Variants in HIGD2B observed in about 807,000 individuals in gnomAD.
HIGD2B encodes the protein HIG1 hypoxia inducible domain family member 2B.
For synonymous variants in HIGD2B, 45 were observed against 28.1 expected, an observed-to-expected ratio of 1.60 and a Z score of -1.90; for missense variants, 106 against 67.0, an observed-to-expected ratio of 1.58 and a Z score of -2.03.
intron 2 of HIGD2B, among the ~76,000 whole-genome samples, chr15:72,677,808 A>G (rs1417705291): frequency 6.6e-6 from 1 of 152,108 alleles, no homozygotes; most frequent in African/African-American, 2.4e-5. Context: ...ATATAAAAGT[A>G]AATAAAAATT....
intron 2 of HIGD2B, among the ~76,000 whole-genome samples, chr15:72,679,758 A>T (rs1036121456): frequency 2.0e-5 from 3 of 151,296 alleles, no homozygotes; most frequent in South Asian, 4.2e-4. Context: ...GGGAAAATAT[A>T]AAAAAAAATG....
chr15:72,679,821 A>G (rs1001272091), intron 2 of HIGD2B, among the ~76,000 whole-genome samples, 194 bp downstream of exon 2: 2 of 152,150 alleles, frequency 1.3e-5, no homozygotes, highest in African/African-American at 4.8e-5. Flanking sequence ...TTCAGAGTAT[A>G]GGATGTTGGT....
chr15:72,685,520 G>C (rs531775402), intron 1 of HIGD2B, among the ~76,000 whole-genome samples: 2 of 152,286 alleles, frequency 1.3e-5, no homozygotes, highest in East Asian at 3.9e-4. Context: ...CGCACCGGGG[G>C]CCAGACAGGT....
intron 2 of HIGD2B, among the ~76,000 whole-genome samples, chr15:72,676,950 C>A (rs772763206): frequency 2.6e-5 from 4 of 152,080 alleles, no homozygotes; most frequent in Non-Finnish European, 5.9e-5. Flanking sequence ...ACTAAATACA[C>A]ACAAATGAAG....
Position 72,685,917 on chromosome 15 carries a change from G to A in HIGD2B, c.-292C>T. ...CAGGGTAAGGTGGCGGGAGAACTAG[G>A]CTGCCATCCCAGGTGGCTGGCCTAC... On this transcript the variant is annotated 5_prime_UTR_variant, in exon 1 of 3. Coordinates refer to ENST00000311755, the MANE Select transcript of HIGD2B (RefSeq NM_001350932.3). The A allele has an allele frequency of 1.9e-6, 1 of 523,082 alleles. No individual in the cohort carries two copies. Among genetic ancestry groups the A allele is most frequent in the Non-Finnish European group, 3.5e-6 (1 of 287,718 alleles). The allele number at this position is 523,082 out of a possible 1,614,324, so 32.4% of individuals were successfully genotyped here.
chr15:72,682,742 A>G (rs79263703), intron 1 of HIGD2B: 16,175 of 193,616 alleles, frequency 0.084, 839 homozygotes, highest in Non-Finnish European at 0.12. Context: ...CCAGATGTCT[A>G]GACAACACTT....
At position 72,686,027 on chromosome 15, in the gene HIGD2B, C is replaced by T; in HGVS notation, c.-402G>A. 1 of 653,248 alleles carries T rather than the reference C, an allele frequency of 1.5e-6. No individual in the cohort carries two copies. Among genetic ancestry groups the T allele is most frequent in the South Asian group, 1.8e-5 (1 of 56,128 alleles). The allele number at this position is 653,248 out of a possible 1,614,324, so 40.5% of individuals were successfully genotyped here. A position where few individuals can be genotyped will look rare whatever the true frequency, so the allele number is the denominator to read the frequency against. On this transcript the variant is annotated 5_prime_UTR_variant, in exon 1 of 3. Transcript: ENST00000311755. ...TTCTCGGGATAAAGGCAGCGAGTGGCTGCGCATTCCCTCCCCGACTCTTTC... is the reference window on the plus strand; with the variant it reads ...TTCTCGGGATAAAGGCAGCGAGTGGTTGCGCATTCCCTCCCCGACTCTTTC...
At chr15:72,677,484 G>A (rs2064704839) in intron 2 of HIGD2B, among the ~76,000 whole-genome samples, 1 of 149,386 alleles carries the variant, frequency 6.7e-6, no homozygotes, top group Non-Finnish European at 1.5e-5. Context: ...TCTGGTAGGT[G>A]GGCATGGTGG....
intron 1 of HIGD2B, among the ~76,000 whole-genome samples, chr15:72,681,550 CT>C (rs1241711656): frequency 6.6e-6 from 1 of 151,660 alleles, no homozygotes; most frequent in Non-Finnish European, 1.5e-5. Context: ...GCAAAACATT[CT>C]CCCCAGTGAA....
intron 1 of HIGD2B, among the ~76,000 whole-genome samples, chr15:72,684,482 T>C (rs2064785538): frequency 6.6e-6 from 1 of 152,064 alleles, no homozygotes; most frequent in Non-Finnish European, 1.5e-5. Context: ...GTGAGACCCC[T>C]GCCTCTGAAA....
chr15:72,685,971 T>C lies in HIGD2B; in HGVS notation c.-346A>G, dbSNP rs1462217385. 6.8e-6 allele frequency: 4 copies of C among 587,160 alleles called. No homozygotes were observed. Among genetic ancestry groups the C allele is most frequent in the Non-Finnish European group, 1.2e-5 (4 of 328,542 alleles). The allele number at this position is 587,160 out of a possible 1,614,324, so 36.4% of individuals were successfully genotyped here. ...CCAGCGCGGCCGGAGGTACAGACCA[T>C]GTACAGACCACGGCGAGGGGTGTTA... On this transcript the variant is annotated 5_prime_UTR_variant, in exon 1 of 3. The change abolishes an upstream ATG in the 5' untranslated region. Transcript: ENST00000311755.
At position 72,685,794 on chromosome 15, in the gene HIGD2B, G is replaced by A. The variant is rs556457886; in HGVS notation, c.-193+24C>T. Reference sequence around the variant, plus strand: ...TGAGTACCTCAGTTCGATAGTGACAGCCAAGAAACGGGGAGTTTTGTACCT... The same window carrying A: ...TGAGTACCTCAGTTCGATAGTGACAACCAAGAAACGGGGAGTTTTGTACCT... On this transcript the variant is annotated intron_variant, in intron 1 of 2. Coordinates refer to ENST00000311755, the MANE Select transcript of HIGD2B (RefSeq NM_001350932.3). The A allele has an allele frequency of 4.0e-4, 120 of 298,982 alleles. 1 individual carries two copies. In the Middle Eastern group the frequency reaches 6.0e-3, roughly 15 times the overall value. The allele number at this position is 298,982 out of a possible 1,614,324, so 18.5% of individuals were successfully genotyped here.
chr15:72,686,129 C>T lies in HIGD2B; in HGVS notation c.-504G>A, dbSNP rs559733866. On this transcript the variant is annotated 5_prime_UTR_variant, in exon 1 of 3. Transcript: ENST00000311755. Reference sequence around the variant, plus strand: ...GTCACTCGGCGATTTACTTCCTTCCCCCGCTTCCTCACAGTCCTCCACAGC... The same window carrying T: ...GTCACTCGGCGATTTACTTCCTTCCTCCGCTTCCTCACAGTCCTCCACAGC... 113 of 1,289,096 alleles carry T rather than the reference C, an allele frequency of 8.8e-5. 2 individuals are homozygous for T. Among genetic ancestry groups the T allele is most frequent in the Admixed American group, 7.9e-4 (40 of 50,618 alleles). 79.9% of individuals were successfully genotyped at this position (1,289,096 alleles called of 1,614,324 possible).
chr15:72,683,945 G>A (rs1029655806), intron 1 of HIGD2B, among the ~76,000 whole-genome samples: 4 of 150,198 alleles, frequency 2.7e-5, no homozygotes, highest in African/African-American at 4.9e-5. Flanking sequence ...CCAGGCTGGA[G>A]TGCAGTGGCA....
At chr15:72,680,306 ACTT>A (rs1344793897) in intron 1 of HIGD2B, 113 bp from the exon 2 acceptor site, 3 of 152,480 alleles carry the variant, frequency 2.0e-5, no homozygotes, top group Admixed American at 6.5e-5. Context: ...AACTATTCTG[ACTT>A]CTTATCTCAA....
chr15:72,682,866 T>A, intron 1 of HIGD2B: 1 of 255,692 alleles, frequency 3.9e-6, no homozygotes, highest in South Asian at 6.3e-5. Context: ...CTGGCTTTTC[T>A]GTTAATCCCT....
At chr15:72,679,768 G>A (rs1034984553) in intron 2 of HIGD2B, among the ~76,000 whole-genome samples, 1 of 152,012 alleles carries the variant, frequency 6.6e-6, no homozygotes, top group African/African-American at 2.4e-5. Context: ...AAAAAAAAAT[G>A]TCCAACAGGG....
At chr15:72,677,560 A>G (rs1400734280) in intron 2 of HIGD2B, among the ~76,000 whole-genome samples, 1 of 151,534 alleles carries the variant, frequency 6.6e-6, no homozygotes, top group Non-Finnish European at 1.5e-5. Context: ...CTAGGAGTTC[A>G]AGACCAGCCT....
At chr15:72,680,992 C>T (rs1228921755) in intron 1 of HIGD2B, among the ~76,000 whole-genome samples, 1 of 152,116 alleles carries the variant, frequency 6.6e-6, no homozygotes, top group Non-Finnish European at 1.5e-5. Context: ...AGCTAAGGGA[C>T]TGTCTGAGGT....
Sources: gnomAD v4.1 joint callset for allele counts (sites outside exome capture counted in the v4.1 genomes callset) on GRCh38, gnomAD v4.1.1 for gene constraint, MANE v1.5 for transcripts, NCBI Gene and HGNC (gene_info 2026-07-23, HGNC 2026-07-21) for gene names.